The following EPRS1 variants were observed in gnomAD, a reference collection of about 807,000 sequenced individuals.
EPRS1 encodes the protein bifunctional glutamate/proline--tRNA ligase.
EPRS1 carries 107 observed loss-of-function variants against 188.3 expected under a neutral mutation model. The observed-to-expected ratio is 0.57, with a 90% CI of 0.49 to 0.67. The LOEUF is 0.67. Ranked by LOEUF, EPRS1 falls within the 30% of genes least tolerant of loss-of-function variation. The pLI is 0.00. For synonymous variants in EPRS1, 596 were observed against 593.1 expected, an observed-to-expected ratio of 1.00 and a Z score of -0.07; for missense variants, 1,577 against 1,802.2, an observed-to-expected ratio of 0.88 and a Z score of 2.26.
intron 17 of EPRS1, among the ~76,000 whole-genome samples, chr1:220,000,776 T>C (rs1661335006): frequency 6.6e-6 from 1 of 151,304 alleles, no homozygotes; most frequent in Admixed American, 6.6e-5. Flanking sequence ...AGGTCAGGAG[T>C]TCAAGACCAG....
chr1:220,021,031 C>T (rs559506980), intron 9 of EPRS1, among the ~76,000 whole-genome samples: 15 of 151,718 alleles, frequency 9.9e-5, no homozygotes, highest in Middle Eastern at 6.9e-3. Context: ...GCATGCGCCA[C>T]CATGCCCCGC....
chr1:219,976,589 G>A (rs1558270077), intron 28 of EPRS1, among the ~76,000 whole-genome samples: 1 of 152,090 alleles, frequency 6.6e-6, no homozygotes, highest in Non-Finnish European at 1.5e-5. Flanking sequence ...GATTCAAGCA[G>A]GAAAATTTAA....
Position 219,997,160 on chromosome 1 carries a change from T to A in EPRS1, c.2364A>T (p.Lys788Asn). 1 of 1,614,148 alleles carries A rather than the reference T, an allele frequency of 6.2e-7. No homozygotes were observed. Among genetic ancestry groups the A allele is most frequent in the South Asian group, 1.1e-5 (1 of 91,076 alleles). The change falls in exon 18 of 32, where the codon AAA becomes AAT. Residue 788 changes from lysine to asparagine, a missense_variant. Lys to Asn is a moderately conservative substitution (Grantham distance 94, BLOSUM62 0). This residue lies in a region of EPRS1 where 1,278 missense variants were observed against 1,457.4 expected (regional missense o/e 0.88). Coordinates refer to ENST00000366923, the MANE Select transcript of EPRS1 (RefSeq NM_004446.3). ...DAAVKQLLSLKAEYKEKTGQE... is the reference protein window; with the variant it reads ...DAAVKQLLSLNAEYKEKTGQE... ...GGCCAGTTTTCTCCTTATATTCAGCTTTCAAAGACAAAAGCTGTTTTACAG... is the reference window on the plus strand; with the variant it reads ...GGCCAGTTTTCTCCTTATATTCAGCATTCAAAGACAAAAGCTGTTTTACAG...
rs368094933 is a variant in EPRS1, at chr1:220,002,055, C to A, written c.2064-800G>T. Among the ~76,000 whole-genome samples, 7 of 151,634 alleles carry A rather than the reference C, an allele frequency of 4.6e-5. No homozygotes were observed. In the East Asian group the frequency reaches 1.2e-3, roughly 25 times the overall value. On this transcript the variant is annotated intron_variant, in intron 16 of 31. Coordinates refer to ENST00000366923, the MANE Select transcript of EPRS1 (RefSeq NM_004446.3). ...AAAGAAAAAAAAAAAATTGGTCAGC[C>A]GTGGTGGCTCATGACTCTAATCCCA...
At chr1:220,005,837 T>TG (rs1661454918) in intron 15 of EPRS1, among the ~76,000 whole-genome samples, 2 of 42,370 alleles carry the variant, frequency 4.7e-5, no homozygotes, top group African/African-American at 1.0e-4. Flanking sequence ...TTGTTTTTTT[T>TG]TTTGTTTTTT....
intron 18 of EPRS1, among the ~76,000 whole-genome samples, chr1:219,996,012 A>G (rs1661224941): frequency 6.6e-6 from 1 of 152,142 alleles, no homozygotes; most frequent in Admixed American, 6.5e-5. Flanking sequence ...GCAGCTCATC[A>G]GGGGCTGAAT....
intron 1 of EPRS1, among the ~76,000 whole-genome samples, chr1:220,041,042 T>C (rs917692308): frequency 6.6e-6 from 1 of 151,902 alleles, no homozygotes; most frequent in Non-Finnish European, 1.5e-5. Context: ...ACCTGTAGAG[T>C]TAGATTCAAA....
intron 13 of EPRS1, among the ~76,000 whole-genome samples, chr1:220,007,904 G>A (rs1380403340): frequency 2.6e-5 from 4 of 152,232 alleles, no homozygotes; most frequent in South Asian, 2.1e-4. Flanking sequence ...TCAGGAGATC[G>A]AGATCATCCT....
rs372832109 is a variant in EPRS1, at chr1:219,988,717, G to A, written c.2648C>T (p.Ser883Leu). ...IPGQPPLSQS[S>L]DSSPTRNSEP... ...AGAATTTCTGGTTGGGCTTGAATCC[G>A]AACTTTGAGATAATGGGGGCTGACC... The change falls in exon 19 of 32, where the codon TCG becomes TTG. Residue 883 changes from serine to leucine, a missense_variant. Physicochemically the swap from Ser to Leu is moderately radical, Grantham distance 145 (BLOSUM62 -2). Around this residue, in one of 3 missense-constraint regions of EPRS1, gnomAD observed 1,278 missense variants for 1,457.4 expected, o/e 0.88. Transcript: ENST00000366923. The A allele has an allele frequency of 2.9e-5, 47 of 1,613,714 alleles. No individual in the cohort carries two copies. Among genetic ancestry groups the A allele is most frequent in the Admixed American group, 1.5e-4 (9 of 59,986 alleles).
Position 220,046,467 on chromosome 1 carries a change from A to G in EPRS1, c.-79T>C. On this transcript the variant is annotated 5_prime_UTR_variant, in exon 1 of 32. Transcript: ENST00000366923. ...CGGAGGACCCCGCGAAAGGAAGAAG[A>G]TGCAACGTGTGCGCGTACCCGACGC... 1 of 1,584,392 alleles carries G rather than the reference A, an allele frequency of 6.3e-7. No homozygotes were observed. The highest frequency in any genetic ancestry group is 8.6e-7 in the Non-Finnish European group (1 of 1,166,254).
At chr1:220,043,266 C>CTT (rs57906265) in intron 1 of EPRS1, among the ~76,000 whole-genome samples, 132,396 of 152,058 alleles carry the variant, frequency 0.87, 58,029 homozygotes, top group African/African-American at 0.97. Flanking sequence ...AATTGGTGAA[C>CTT]AATTGTATAC....
At chr1:220,007,477 T>C in intron 13 of EPRS1, 139 bp from the exon 14 acceptor site, 1 of 694,496 alleles carries the variant, frequency 1.4e-6, no homozygotes, top group Non-Finnish European at 2.3e-6. Context: ...CATTGCTGTA[T>C]TAGGAAGAAA....
Position 220,005,169 on chromosome 1 carries a change from G to A in EPRS1, c.2063+79C>T, listed in dbSNP as rs190433560. 76 of 544,026 alleles carry A rather than the reference G, an allele frequency of 1.4e-4. 1 individual carries two copies. The highest frequency in any genetic ancestry group is 1.3e-3 in the African/African-American group (69 of 51,386). 33.7% of individuals were successfully genotyped at this position (544,026 alleles called of 1,614,324 possible). A position where few individuals can be genotyped will look rare whatever the true frequency, so the allele number is the denominator to read the frequency against. On this transcript the variant is annotated intron_variant, in intron 16 of 31. Transcript: ENST00000366923. The stretch of plus-strand genomic sequence containing the variant: ...AAACTGTTAGGTACGTTATTTTAGT[G>A]AAAGTTCAATTTCTAAAATATTACT...
In EPRS1 at chr1:220,042,819, G is replaced by A. The variant is rs187431618; in HGVS notation, c.47-2550C>T. 3.0e-4 allele frequency among the ~76,000 whole-genome samples: 45 copies of A among 152,156 alleles called. No individual in the cohort carries two copies. The East Asian group carries it at 8.6e-3, about 29-fold the overall frequency. ...GCCTATAGTCCCAGCTACTCGGGAG[G>A]CTGAGGCAGGAGGATCACATGAAAC... On this transcript the variant is annotated intron_variant, in intron 1 of 31. Coordinates refer to ENST00000366923, the MANE Select transcript of EPRS1 (RefSeq NM_004446.3).
chr1:220,044,757 C>T (rs1288155295), intron 1 of EPRS1, among the ~76,000 whole-genome samples: 1 of 147,674 alleles, frequency 6.8e-6, no homozygotes, highest in Non-Finnish European at 1.5e-5. Flanking sequence ...ACTCTGGCAA[C>T]CAATCCTATC....
At chr1:220,043,029 A>C (rs1662328900) in intron 1 of EPRS1, among the ~76,000 whole-genome samples, 1 of 152,240 alleles carries the variant, frequency 6.6e-6, no homozygotes, top group East Asian at 1.9e-4. Context: ...ATATGAGAAT[A>C]TAAGAATATA....
intron 2 of EPRS1, among the ~76,000 whole-genome samples, chr1:220,038,001 G>C (rs1662219643): frequency 6.6e-6 from 1 of 152,102 alleles, no homozygotes; most frequent in Non-Finnish European, 1.5e-5. Context: ...GGGAGAAAGG[G>C]GGAGATAGAG....
intron 18 of EPRS1, 32 bp from the exon 19 acceptor site, chr1:219,988,855 A>C: frequency 2.1e-6 from 3 of 1,405,190 alleles, no homozygotes; most frequent in Non-Finnish European, 2.9e-6. Context: ...GATATTTATA[A>C]AACTTTGGAA....
chr1:220,017,871 A>G (rs760419674), intron 12 of EPRS1, among the ~76,000 whole-genome samples: 2 of 152,194 alleles, frequency 1.3e-5, no homozygotes, highest in Non-Finnish European at 2.9e-5. Context: ...AATGAAATAC[A>G]TACTTTTAGA....
Sources: gnomAD v4.1 joint callset for allele counts (sites outside exome capture counted in the v4.1 genomes callset) on GRCh38, gnomAD v4.1.1 for gene constraint, gnomAD v4.1.1 regional missense constraint, MANE v1.5 for transcripts, NCBI Gene and HGNC (gene_info 2026-07-23, HGNC 2026-07-21) for gene names.